The following ZIM2 variants were observed in gnomAD, a reference collection of about 807,000 sequenced individuals.
ZIM2 encodes the protein zinc finger imprinted 2.
Under a neutral mutation model 38.6 loss-of-function variants are expected in ZIM2, and 14 were observed. The observed-to-expected ratio is 0.36, with a 90% CI of 0.24 to 0.57. The LOEUF is 0.57. ZIM2 is among the 20% of genes least tolerant of loss of function. The pLI, the probability that ZIM2 is intolerant of heterozygous loss-of-function variation, is 0.81. For missense variants in ZIM2, 680 were observed against 695.1 expected (o/e 0.98, Z 0.24); for synonymous variants, 247 against 245.8 (o/e 1.00, Z -0.04).
intron 9 of ZIM2, among the ~76,000 whole-genome samples, chr19:56,805,197 A>G (rs1366333109): frequency 1.3e-5 from 2 of 152,198 alleles, no homozygotes; most frequent in Non-Finnish European, 2.9e-5. Context: ...TGCTGGTAGC[A>G]TCACCCCTTC....
chr19:56,783,781 C>G (rs1194873357), intron 10 of ZIM2, among the ~76,000 whole-genome samples: 2 of 151,962 alleles, frequency 1.3e-5, no homozygotes, highest in Admixed American at 6.6e-5. Context: ...TAGCATTGTG[C>G]AATACACCTT....
chr19:56,813,514 ATTCG>A lies in ZIM2; in HGVS notation c.490+4228_490+4231del, dbSNP rs1288893810. 4 of 1,432,644 alleles carry A rather than the reference ATTCG, an allele frequency of 2.8e-6. No individual in the cohort carries two copies. The Admixed American group carries it at 1.2e-4, about 41-fold the overall frequency. 88.7% of individuals were successfully genotyped at this position (1,432,644 alleles called of 1,614,324 possible). On this transcript the variant is annotated intron_variant, in intron 9 of 12. Transcript: ENST00000629319. The stretch of plus-strand genomic sequence containing the variant: ...AAGCTTAAGACTGTGGAATCTGCAC[ATTCG>A]GTCTCTTTTCAATCTGAGTTTAGAG...
chr19:56,815,366 T>C, intron 9 of ZIM2: 1 of 1,614,226 alleles, frequency 6.2e-7, no homozygotes, highest in Non-Finnish European at 8.5e-7. Flanking sequence ...GCTTGCTCTT[T>C]AGCATACTGC....
At chr19:56,797,690 G>T (rs1262169957) in intron 9 of ZIM2, among the ~76,000 whole-genome samples, 1 of 152,052 alleles carries the variant, frequency 6.6e-6, no homozygotes, top group Non-Finnish European at 1.5e-5. Context: ...TAAAAACAAG[G>T]TGGCCTTGGC....
chr19:56,816,940 C>T (rs1568640322), intron 9 of ZIM2: 1 of 1,614,084 alleles, frequency 6.2e-7, no homozygotes, highest in Admixed American at 1.7e-5. Context: ...ACGTTTCCCT[C>T]CAACCTGACT....
chr19:56,777,274 C>T (rs2046070988), intron 12 of ZIM2, among the ~76,000 whole-genome samples: 2 of 152,168 alleles, frequency 1.3e-5, no homozygotes, highest in African/African-American at 4.8e-5. Context: ...AGGAAGTGGT[C>T]TTTGAAGAGA....
chr19:56,801,805 T>C (rs1018937740), intron 9 of ZIM2, among the ~76,000 whole-genome samples: 1 of 152,072 alleles, frequency 6.6e-6, no homozygotes, highest in African/African-American at 2.4e-5. Context: ...TCAAGACTAG[T>C]AGACCTGGCC....
At position 56,816,002 on chromosome 19, in the gene ZIM2, T is replaced by C; in HGVS notation, c.490+1744A>G. On this transcript the variant is annotated intron_variant, in intron 9 of 12. Coordinates refer to ENST00000629319, the MANE Select transcript of ZIM2 (RefSeq NM_001387356.1). Reference sequence around the variant, plus strand: ...CCTCCAGCACGAACTCTCTGATGGTTGATAGCATCGAAGCTCTGAATGGTA... The same window carrying C: ...CCTCCAGCACGAACTCTCTGATGGTCGATAGCATCGAAGCTCTGAATGGTA... 2 of 1,588,416 alleles carry C rather than the reference T, an allele frequency of 1.3e-6. No individual in the cohort carries two copies. The highest frequency in any genetic ancestry group is 1.7e-6 in the Non-Finnish European group (2 of 1,167,868).
chr19:56,822,692 G>GA, intron 6 of ZIM2, 61 bp downstream of exon 6: 1 of 1,593,026 alleles, frequency 6.3e-7, no homozygotes, highest in Non-Finnish European at 8.6e-7. Context: ...CTTTCCCCTT[G>GA]AACCTGTGCA....
rs1207087695 is a variant in ZIM2 at position 56,774,591 on chromosome 19, A to T, written c.*97T>A. 1.4e-6 allele frequency: 2 copies of T among 1,474,628 alleles called. No individual in the cohort carries two copies. The highest frequency in any genetic ancestry group is 1.8e-6 in the Non-Finnish European group (2 of 1,107,190). 91.3% of individuals were successfully genotyped at this position (1,474,628 alleles called of 1,614,324 possible). A position where few individuals can be genotyped will look rare whatever the true frequency, so the allele number is the denominator to read the frequency against. ...CACTTTGATGAATGTTCAAGTTGTT[A>T]ACAAGGTGGGGCTAGTGAAAGGCCT... On this transcript the variant is annotated 3_prime_UTR_variant, in exon 13 of 13. Transcript: ENST00000629319.
intron 7 of ZIM2, among the ~76,000 whole-genome samples, chr19:56,819,031 T>C (rs1320229422): frequency 6.6e-6 from 1 of 152,128 alleles, no homozygotes; most frequent in Non-Finnish European, 1.5e-5. Flanking sequence ...CTAAACGGGT[T>C]TTGTAGAGGG....
chr19:56,775,419 T>A lies in ZIM2; in HGVS notation c.946A>T (p.Ser316Cys), dbSNP rs763911598. Reference protein sequence around the residue: ...KTLTPERSYGSDEFERSSNLS... With the variant: ...KTLTPERSYGCDEFERSSNLS... ...TTAGAGCTTCTCTCAAATTCATCAC[T>A]GCCATAGCTTCTTTCCGGAGTGAGG... Residue 316 changes from serine to cysteine, a missense_variant, in exon 13 of 13, where the codon AGT becomes TGT. Ser to Cys is a moderately radical substitution (Grantham distance 112). Transcript: ENST00000629319. 1 of 1,614,198 alleles carries A rather than the reference T, an allele frequency of 6.2e-7. No homozygotes were observed. The highest frequency in any genetic ancestry group is 2.2e-5 in the East Asian group (1 of 44,876).
intron 4 of ZIM2, 44 bp downstream of exon 4, chr19:56,824,218 C>A: frequency 6.3e-7 from 1 of 1,591,050 alleles, no homozygotes; most frequent in Non-Finnish European, 8.6e-7. Context: ...CCAGGGGACA[C>A]CTGAGGCCTG....
At chr19:56,820,799 G>T (rs2060410892) in intron 7 of ZIM2, among the ~76,000 whole-genome samples, 1 of 152,192 alleles carries the variant, frequency 6.6e-6, no homozygotes, top group African/African-American at 2.4e-5. Flanking sequence ...CTCAGGGCAG[G>T]GCCCCTCTCT....
At chr19:56,828,078 A>T (rs2061229336) in intron 2 of ZIM2, among the ~76,000 whole-genome samples, 1 of 152,228 alleles carries the variant, frequency 6.6e-6, no homozygotes, top group Non-Finnish European at 1.5e-5. Context: ...ACAATAAACA[A>T]AACTACCAGT....
intron 9 of ZIM2, chr19:56,812,997 A>C (rs902536080): frequency 2.0e-6 from 2 of 985,758 alleles, no homozygotes; most frequent in African/African-American, 3.5e-5. Flanking sequence ...TGCAGAAAGA[A>C]GCTAAAGTAC....
At position 56,775,102 on chromosome 19, in the gene ZIM2, T is replaced by C; in HGVS notation, c.1263A>G (p.Arg421=). The part of the protein sequence containing the change: ...GRKTSGCNEG[R]KPSVQCANLC... Reference sequence around the variant, plus strand: ...GATTCGCACACTGGACGGAAGGCTTTCTACCTTCATTGCAGCCAGAAGTCT... The same window carrying C: ...GATTCGCACACTGGACGGAAGGCTTCCTACCTTCATTGCAGCCAGAAGTCT... The change falls in exon 13 of 13, where the codon AGA becomes AGG. Residue 421 remains arginine (R), a synonymous_variant. Coordinates refer to ENST00000629319, the MANE Select transcript of ZIM2 (RefSeq NM_001387356.1). 1 of 1,614,170 alleles carries C rather than the reference T, an allele frequency of 6.2e-7. No individual in the cohort carries two copies. Among genetic ancestry groups the C allele is most frequent in the Non-Finnish European group, 8.5e-7 (1 of 1,180,040 alleles).
At chr19:56,793,595 A>G (rs1293931726) in intron 9 of ZIM2, among the ~76,000 whole-genome samples, 1 of 152,236 alleles carries the variant, frequency 6.6e-6, no homozygotes, top group African/African-American at 2.4e-5. Flanking sequence ...TAAATAGCCA[A>G]TCAACATAAA....
rs1002722680 is a variant in ZIM2 at position 56,821,840 on chromosome 19, C to T, written c.191-86G>A. The T allele has an allele frequency of 4.8e-6, 7 of 1,448,630 alleles. No individual in the cohort carries two copies. In the African/African-American group the frequency reaches 7.0e-5, roughly 14 times the overall value. The allele number at this position is 1,448,630 out of a possible 1,614,324, so 89.7% of individuals were successfully genotyped here. A position where few individuals can be genotyped will look rare whatever the true frequency, so the allele number is the denominator to read the frequency against. ...TTGTCCCACTCAACTATGAAGCCAG[C>T]TGGGGTGTGAGTGTATGAGAGCAAG... On this transcript the variant is annotated intron_variant, in intron 6 of 12. Transcript: ENST00000629319.
Sources: allele counts gnomAD v4.1 joint callset (sites outside exome capture counted in the v4.1 genomes callset), GRCh38; gene constraint gnomAD v4.1.1; transcripts MANE v1.5; gene names NCBI Gene and HGNC (gene_info 2026-07-23, HGNC 2026-07-21).